Variants in UBE3A observed in about 807,000 individuals in gnomAD.
The protein encoded by UBE3A is ubiquitin-protein ligase E3A.
In UBE3A, 6 loss-of-function variants were observed where a neutral mutation model predicts 83.4. The observed-to-expected ratio is 0.07, with a 90% confidence interval of 0.04 to 0.14. The LOEUF is 0.14. UBE3A is among the 10% of genes least tolerant of loss of function. UBE3A has a pLI of 1.00. For missense variants in UBE3A, 456 were observed against 1,036.1 expected (o/e 0.44, Z 7.69); for synonymous variants, 337 against 355.4 (o/e 0.95, Z 0.58).
chr15:25,421,435 A>T (rs1889784433), intron 1 of UBE3A, among the ~76,000 whole-genome samples: 1 of 152,192 alleles, frequency 6.6e-6, no homozygotes, highest in Non-Finnish European at 1.5e-5. Context: ...CAAGGACATT[A>T]TTATTATTAA....
Position 25,434,695 on chromosome 15 carries a change from G to A in UBE3A, c.-165+3794C>T, listed in dbSNP as rs941785321. On this transcript the variant is annotated intron_variant, in intron 1 of 12. Coordinates refer to ENST00000648336, the MANE Select transcript of UBE3A (RefSeq NM_130839.5). ...TATAACTATTCATCCCAAAAGGTAG[G>A]ACAGAACATGTGCCAATGTGTGCAG... Among the ~76,000 whole-genome samples, 3 of 152,146 alleles carry A rather than the reference G, an allele frequency of 2.0e-5. No individual in the cohort carries two copies. In the East Asian group the frequency reaches 5.8e-4, roughly 29 times the overall value.
chr15:25,350,788 A>G (rs1309765305), intron 11 of UBE3A, among the ~76,000 whole-genome samples: 2 of 152,248 alleles, frequency 1.3e-5, no homozygotes, highest in East Asian at 1.9e-4. Context: ...AATAACATGG[A>G]TGAATCTAAA....
chr15:25,402,040 A>C (rs1489343811), intron 4 of UBE3A, among the ~76,000 whole-genome samples: 1 of 152,046 alleles, frequency 6.6e-6, no homozygotes, highest in Non-Finnish European at 1.5e-5. Flanking sequence ...ATATATCTCC[A>C]TTTCTTTATG....
At chr15:25,339,967 G>C (rs1402975303) in intron 12 of UBE3A, 118 bp downstream of exon 12, 2 of 1,329,224 alleles carry the variant, frequency 1.5e-6, no homozygotes, top group East Asian at 2.4e-5. Flanking sequence ...AATATGATTT[G>C]GGGATTTGTA....
rs1187148842 is a variant in UBE3A, at chr15:25,338,423, T to TGGCATG, written c.*708_*713dup. The TGGCATG allele has an allele frequency of 6.6e-6, 1 of 152,102 alleles. No homozygotes were observed. Among genetic ancestry groups the TGGCATG allele is most frequent in the Non-Finnish European group, 1.5e-5 (1 of 68,008 alleles). 9.4% of individuals were successfully genotyped at this position (152,102 alleles called of 1,614,324 possible). A position where few individuals can be genotyped will look rare whatever the true frequency, so the allele number is the denominator to read the frequency against. On this transcript the variant is annotated 3_prime_UTR_variant, in exon 13 of 13. Coordinates refer to ENST00000648336, the MANE Select transcript of UBE3A (RefSeq NM_130839.5). ...CAAGACACATGAAGACGACATACTGTGGCATGAGTTGTTTTTGTTTTTAAT... is the reference window on the plus strand; with the variant it reads ...CAAGACACATGAAGACGACATACTGTGGCATGGGCATGAGTTGTTTTTGTTTTTAAT...
At chr15:25,359,418 C>CGT (rs60677664) in intron 7 of UBE3A, among the ~76,000 whole-genome samples, 23,280 of 138,714 alleles carry the variant, frequency 0.17, 2,045 homozygotes, top group Admixed American at 0.21. Context: ...ATAAGGGATG[C>CGT]GTGTGTGTGT....
At chr15:25,418,896 C>T (rs1888309542) in intron 1 of UBE3A, 1 of 152,122 alleles carries the variant, frequency 6.6e-6, no homozygotes, top group Non-Finnish European at 1.5e-5. Context: ...GGTTCCAGGA[C>T]TCCCATGGAT....
At chr15:25,352,151 C>T (rs1345347432) in intron 11 of UBE3A, among the ~76,000 whole-genome samples, 4 of 152,072 alleles carry the variant, frequency 2.6e-5, no homozygotes, top group Admixed American at 6.6e-5. Flanking sequence ...ACTGAGACTG[C>T]GCCACTGCAC....
intron 8 of UBE3A, 137 bp from the exon 9 acceptor site, chr15:25,356,193 C>T (rs993584595): frequency 8.6e-5 from 90 of 1,051,768 alleles, no homozygotes; most frequent in Non-Finnish European, 1.2e-4. Context: ...TCCCTCCAGT[C>T]CCCCAAATAG....
intron 1 of UBE3A, among the ~76,000 whole-genome samples, chr15:25,429,732 T>C (rs1294789870): frequency 6.6e-6 from 1 of 151,784 alleles, no homozygotes; most frequent in Non-Finnish European, 1.5e-5. Flanking sequence ...AGGATTGGTG[T>C]GGTGGCTCAT....
At chr15:25,403,603 T>C (rs960771987) in intron 4 of UBE3A, among the ~76,000 whole-genome samples, 1 of 152,154 alleles carries the variant, frequency 6.6e-6, no homozygotes, top group African/African-American at 2.4e-5. Context: ...ACAATTCCAC[T>C]TCTGGGAAAA....
intron 4 of UBE3A, among the ~76,000 whole-genome samples, chr15:25,384,139 G>A (rs1482417002): frequency 6.6e-6 from 1 of 152,010 alleles, no homozygotes; most frequent in African/African-American, 2.4e-5. Flanking sequence ...TTTTCACCAA[G>A]CAAATGAAAG....
At chr15:25,416,916 C>T (rs1887164888) in intron 1 of UBE3A, among the ~76,000 whole-genome samples, 1 of 152,072 alleles carries the variant, frequency 6.6e-6, no homozygotes, top group African/African-American at 2.4e-5. Context: ...AGTGAGAAGA[C>T]AGCAGTTTTA....
At chr15:25,417,615 A>G (rs1369461262) in intron 1 of UBE3A, among the ~76,000 whole-genome samples, 2 of 152,086 alleles carry the variant, frequency 1.3e-5, no homozygotes, top group Non-Finnish European at 2.9e-5. Context: ...AATGAATCAA[A>G]TGGAATTTCT....
chr15:25,407,028 T>C (rs745680579), intron 3 of UBE3A: 29 of 1,310,154 alleles, frequency 2.2e-5, no homozygotes, highest in East Asian at 5.1e-5. Context: ...CACTCCACCC[T>C]CTCCCCCAGG....
chr15:25,412,975 C>G (rs767674409), intron 1 of UBE3A: 1 of 433,050 alleles, frequency 2.3e-6, no homozygotes, highest in Non-Finnish European at 4.6e-6. Flanking sequence ...AACCCAAGAA[C>G]GCAGAAATGA....
In UBE3A at chr15:25,371,731, C is replaced by T. The variant is rs2080315079; in HGVS notation, c.443G>A (p.Arg148His). The change falls in exon 6 of 13, where the codon CGT (arginine) becomes CAT (histidine). Residue 148 changes from arginine to histidine, a missense_variant. By Grantham distance (29) the Arg-to-His change is conservative. This residue lies in a region of UBE3A where 34 missense variants were observed against 79.1 expected (regional missense o/e 0.43). Coordinates refer to ENST00000648336, the MANE Select transcript of UBE3A (RefSeq NM_130839.5). The surrounding 1 kb of genome is among the most constrained non-coding windows in gnomAD (Gnocchi z 5.3). ...ACTAGAAAAAACTCTTCCAATAACA[C>T]GGATTAAAGGGGAATAATCCTCTCT... ...REREDYSPLI[R>H]VIGRVFSSAE... 1.9e-6 allele frequency: 3 copies of T among 1,613,936 alleles called. No homozygotes were observed. Among genetic ancestry groups the T allele is most frequent in the Non-Finnish European group, 1.7e-6 (2 of 1,180,000 alleles).
chr15:25,398,771 T>TTATATATATATGTA, intron 4 of UBE3A, among the ~76,000 whole-genome samples: 1 of 68,936 alleles, frequency 1.5e-5, no homozygotes, highest in Non-Finnish European at 3.2e-5. Flanking sequence ...ATTCTTTTAT[T>TTATATATATATGTA]TATATATATA....
chr15:25,373,991 C>G (rs888518284), intron 5 of UBE3A: 9 of 152,128 alleles, frequency 5.9e-5, no homozygotes, highest in Non-Finnish European at 1.3e-4. Context: ...TACGCAAAAA[C>G]AGTTTGGTGC....
Sources: allele counts gnomAD v4.1 joint callset (sites outside exome capture counted in the v4.1 genomes callset), GRCh38; gene constraint gnomAD v4.1.1; regional missense constraint gnomAD v4.1.1; non-coding constraint Gnocchi (gnomAD v3.1); transcripts MANE v1.5; gene names NCBI Gene and HGNC (gene_info 2026-07-23, HGNC 2026-07-21).